SH3RF3: variants seen among roughly 807,000 people sequenced by gnomAD.
SH3RF3 encodes SH3 domain containing ring finger 3.
SH3RF3 carries 29 observed loss-of-function variants against 66.3 expected under a neutral mutation model. The observed-to-expected ratio is 0.44, with a 90% CI of 0.33 to 0.60. SH3RF3 has a LOEUF of 0.60. Ranked by LOEUF, SH3RF3 falls within the 20% of genes least tolerant of loss-of-function variation. The pLI, the probability that SH3RF3 is intolerant of heterozygous loss-of-function variation, is 0.04. For missense variants in SH3RF3, 1,194 were observed against 1,190.9 expected, an observed-to-expected ratio of 1.00 and a Z score of -0.04; for synonymous variants, 583 against 532.0, an observed-to-expected ratio of 1.10 and a Z score of -1.32.
chr2:109,427,189 A>G (rs1464107394), intron 5 of SH3RF3, among the ~76,000 whole-genome samples: 2 of 152,042 alleles, frequency 1.3e-5, no homozygotes, highest in African/African-American at 4.8e-5. Context: ...AGCTGGTCTC[A>G]AACTCCTGAC....
At position 109,232,255 on chromosome 2, in the gene SH3RF3, C is replaced by A. The variant is rs368756523; in HGVS notation, c.573+102142C>A. 3.9e-5 allele frequency among the ~76,000 whole-genome samples: 6 copies of A among 152,320 alleles called. No individual in the cohort carries two copies. The South Asian group carries it at 1.2e-3, about 32-fold the overall frequency. ...AACAACATAGGAGAATTACAGTTCCCCATATCCTTGCCAACACATACTATG... is the reference window on the plus strand; with the variant it reads ...AACAACATAGGAGAATTACAGTTCCACATATCCTTGCCAACACATACTATG... On this transcript the variant is annotated intron_variant, in intron 1 of 9. Transcript: ENST00000309415.
intron 9 of SH3RF3, 53 bp downstream of exon 9, chr2:109,490,989 G>T (rs931349598): frequency 7.2e-7 from 1 of 1,388,614 alleles, no homozygotes; most frequent in Non-Finnish European, 9.4e-7. Flanking sequence ...GGCCTCTGAG[G>T]TCTGGAGCCA....
chr2:109,224,293 T>G (rs1469390800), intron 1 of SH3RF3, among the ~76,000 whole-genome samples: 1 of 152,254 alleles, frequency 6.6e-6, no homozygotes, highest in East Asian at 1.9e-4. Flanking sequence ...TTTGGTATTA[T>G]TAGTGATGCT....
At chr2:109,250,781 G>T (rs1036580597) in intron 1 of SH3RF3, among the ~76,000 whole-genome samples, 2 of 151,668 alleles carry the variant, frequency 1.3e-5, no homozygotes, top group Non-Finnish European at 2.9e-5. Flanking sequence ...GAAAAAAAAA[G>T]TGCTTCAATA....
At chr2:109,157,844 G>A (rs1247388845) in intron 1 of SH3RF3, among the ~76,000 whole-genome samples, 1 of 152,132 alleles carries the variant, frequency 6.6e-6, no homozygotes, top group Non-Finnish European at 1.5e-5. Context: ...TGCAAAGCAT[G>A]TCCAGGATTA....
intron 1 of SH3RF3, among the ~76,000 whole-genome samples, chr2:109,347,317 G>C (rs1414528637): frequency 6.6e-6 from 1 of 152,150 alleles, no homozygotes; most frequent in Non-Finnish European, 1.5e-5. Flanking sequence ...GTGGGCCTTA[G>C]GAAAGTCACC....
intron 3 of SH3RF3, among the ~76,000 whole-genome samples, chr2:109,384,760 T>G (rs1489022310): frequency 1.3e-5 from 2 of 152,086 alleles, no homozygotes; most frequent in East Asian, 3.9e-4. Context: ...AGACTAAAAG[T>G]TTCGAGCTCT....
intron 1 of SH3RF3, among the ~76,000 whole-genome samples, chr2:109,304,101 C>CAA (rs544740728): frequency 2.3e-5 from 3 of 128,828 alleles, no homozygotes; most frequent in African/African-American, 9.2e-5. Context: ...AACTCCATCT[C>CAA]AAAAAAAAAA....
At chr2:109,317,120 G>A (rs551496888) in intron 1 of SH3RF3, among the ~76,000 whole-genome samples, 1 of 152,044 alleles carries the variant, frequency 6.6e-6, no homozygotes, top group East Asian at 1.9e-4. Flanking sequence ...TTTCATGAGT[G>A]GGTTTCTCAT....
At chr2:109,373,912 G>T (rs945923819) in intron 3 of SH3RF3, among the ~76,000 whole-genome samples, 1 of 152,126 alleles carries the variant, frequency 6.6e-6, no homozygotes, top group African/African-American at 2.4e-5. Flanking sequence ...TTGGGAGTCC[G>T]CAAGCAGGTG....
intron 1 of SH3RF3, among the ~76,000 whole-genome samples, chr2:109,284,764 A>T (rs1249453645): frequency 6.6e-6 from 1 of 152,104 alleles, no homozygotes; most frequent in Non-Finnish European, 1.5e-5. Context: ...GGCTAAGCAC[A>T]TGTGTGTGGA....
intron 1 of SH3RF3, among the ~76,000 whole-genome samples, chr2:109,149,094 G>T (rs772529822): frequency 9.2e-5 from 14 of 152,128 alleles, no homozygotes; most frequent in Admixed American, 3.9e-4. Flanking sequence ...ATGCAGGCCA[G>T]ACACTGTTCT....
At chr2:109,438,743 C>T (rs1677481269) in intron 7 of SH3RF3, among the ~76,000 whole-genome samples, 1 of 152,196 alleles carries the variant, frequency 6.6e-6, no homozygotes, top group South Asian at 2.1e-4. Context: ...GCTGGGGATA[C>T]AGTCATTGCA....
Position 109,321,385 on chromosome 2 carries a change from T to G in SH3RF3, c.574-26289T>G, listed in dbSNP as rs13021728. Among the ~76,000 whole-genome samples the G allele has an allele frequency of 8.7e-3, 1,324 of 152,362 alleles. 11 individuals are homozygous for G. Among genetic ancestry groups the G allele is most frequent in the South Asian group, 0.03 (147 of 4,830 alleles). On this transcript the variant is annotated intron_variant, in intron 1 of 9. Transcript: ENST00000309415. ...ATTCATTGCCAAAGCCTATGTGGATTAGGAGCATTTGAAGTGGAAATTAGT... is the reference window on the plus strand; with the variant it reads ...ATTCATTGCCAAAGCCTATGTGGATGAGGAGCATTTGAAGTGGAAATTAGT...
At chr2:109,461,779 G>A (rs1678213257) in intron 8 of SH3RF3, among the ~76,000 whole-genome samples, 1 of 152,248 alleles carries the variant, frequency 6.6e-6, no homozygotes, top group South Asian at 2.1e-4. Flanking sequence ...AAGTGGTAGA[G>A]CATCTTTCAC....
At chr2:109,296,910 T>G (rs1454338220) in intron 1 of SH3RF3, among the ~76,000 whole-genome samples, 1 of 151,224 alleles carries the variant, frequency 6.6e-6, no homozygotes, top group Non-Finnish European at 1.5e-5. Flanking sequence ...AACACAGGAG[T>G]GTGGATTGGG....
chr2:109,464,678 G>A (rs1308628538), intron 8 of SH3RF3, among the ~76,000 whole-genome samples: 1 of 152,060 alleles, frequency 6.6e-6, no homozygotes, highest in Admixed American at 6.5e-5. Context: ...AACAAATTTA[G>A]GTTCAGAGAA....
chr2:109,499,613 CAT>C (rs1679338125), intron 9 of SH3RF3, among the ~76,000 whole-genome samples: 1 of 152,152 alleles, frequency 6.6e-6, no homozygotes, highest in Non-Finnish European at 1.5e-5. Flanking sequence ...AGACTCTAAG[CAT>C]AAGGGCCGAG....
intron 1 of SH3RF3, among the ~76,000 whole-genome samples, chr2:109,134,390 G>A (rs1355788653): frequency 6.6e-6 from 1 of 152,098 alleles, no homozygotes; most frequent in Non-Finnish European, 1.5e-5. Flanking sequence ...GACCAAACGA[G>A]TGGTTGATAT....
Sources: allele counts gnomAD v4.1 joint callset (sites outside exome capture counted in the v4.1 genomes callset), GRCh38; gene constraint gnomAD v4.1.1; transcripts MANE v1.5; gene names NCBI Gene and HGNC (gene_info 2026-07-23, HGNC 2026-07-21).